Variants in LYRM2 observed in about 807,000 individuals in gnomAD.
The protein encoded by LYRM2 is LYR motif-containing protein 2.
In LYRM2, 8 loss-of-function variants were observed where a neutral mutation model predicts 11.6. That is an observed-to-expected ratio of 0.69 (90% CI 0.40 to 1.24). The LOEUF is 1.24. LYRM2 is among the 50% of genes most tolerant of loss of function. The pLI, the probability that LYRM2 is intolerant of heterozygous loss-of-function variation, is 0.01. For missense variants in LYRM2, 117 were observed against 102.9 expected (o/e 1.14, Z -0.59); for synonymous variants, 30 against 36.4 (o/e 0.83, Z 0.63).
Position 89,637,797 on chromosome 6 carries a change from T to A in LYRM2, c.131A>T (p.Tyr44Phe), listed in dbSNP as rs151021837. ...RQVPNDSDRK[Y>F]LKDWAREEFR... ...TTCTTCTCTTGCCCAATCTTTCAGG[T>A]ATTTGCGATCAGAATCATTTGGAAC... The change falls in exon 2 of 3, where the codon TAC becomes TTC. Residue 44 changes from tyrosine (Y) to phenylalanine (F), a missense_variant. Transcript: ENST00000523377. 11,553 of 1,614,150 alleles carry A rather than the reference T, an allele frequency of 7.2e-3. 53 individuals are homozygous for A. The highest frequency in any genetic ancestry group is 8.1e-3 in the Non-Finnish European group (9,533 of 1,179,980).
Position 89,634,063 on chromosome 6 carries a change from G to A in LYRM2, c.*3210C>T, listed in dbSNP as rs1807887278. On this transcript the variant is annotated 3_prime_UTR_variant, in exon 3 of 3. Coordinates refer to ENST00000523377, the MANE Select transcript of LYRM2 (RefSeq NM_020466.5). ...AAATGTTTAAACTGTTGACCATTTGGAAAATACTGGACAAAGGGGAAGGAC... is the reference window on the plus strand; with the variant it reads ...AAATGTTTAAACTGTTGACCATTTGAAAAATACTGGACAAAGGGGAAGGAC... 1 of 152,208 alleles carries A rather than the reference G, an allele frequency of 6.6e-6. No individual in the cohort carries two copies. The highest frequency in any genetic ancestry group is 1.5e-5 in the Non-Finnish European group (1 of 68,048). 9.4% of individuals were successfully genotyped at this position (152,208 alleles called of 1,614,324 possible). A position where few individuals can be genotyped will look rare whatever the true frequency, so the allele number is the denominator to read the frequency against.
Position 89,633,265 on chromosome 6 carries a change from A to G in LYRM2, c.*4008T>C, listed in dbSNP as rs1176896683. On this transcript the variant is annotated 3_prime_UTR_variant, in exon 3 of 3. Coordinates refer to ENST00000523377, the MANE Select transcript of LYRM2 (RefSeq NM_020466.5). ...ACAGGCTCAGTCAGCATCCTCACCC[A>G]GAGATGGCAACATCTATTAAGACCA... The G allele has an allele frequency of 6.6e-6, 1 of 152,248 alleles. No homozygotes were observed. Among genetic ancestry groups the G allele is most frequent in the Non-Finnish European group, 1.5e-5 (1 of 68,040 alleles). The allele number at this position is 152,248 out of a possible 1,614,324, so 9.4% of individuals were successfully genotyped here.
At position 89,635,329 on chromosome 6, in the gene LYRM2, T is replaced by G. The variant is rs1325880888; in HGVS notation, c.*1944A>C. 7 of 152,222 alleles carry G rather than the reference T, an allele frequency of 4.6e-5. No homozygotes were observed. The highest frequency in any genetic ancestry group is 1.0e-4 in the Non-Finnish European group (7 of 68,022). The allele number at this position is 152,222 out of a possible 1,614,324, so 9.4% of individuals were successfully genotyped here. On this transcript the variant is annotated 3_prime_UTR_variant, in exon 3 of 3. Transcript: ENST00000523377. ...CAGAAACGTCACAAATGCTTCTGTT[T>G]GTCAGATCATTTTGCAACAGGTTAA... is the stretch of plus-strand genomic sequence containing the variant.
Position 89,634,540 on chromosome 6 carries a change from T to TC in LYRM2, c.*2732dup, listed in dbSNP as rs1807925655. 1 of 151,490 alleles carries TC rather than the reference T, an allele frequency of 6.6e-6. No homozygotes were observed. Among genetic ancestry groups the TC allele is most frequent in the African/African-American group, 2.4e-5 (1 of 41,154 alleles). The allele number at this position is 151,490 out of a possible 1,614,324, so 9.4% of individuals were successfully genotyped here. A position where few individuals can be genotyped will look rare whatever the true frequency, so the allele number is the denominator to read the frequency against. The stretch of plus-strand genomic sequence containing the variant: ...GGCAACAAAGTGAGATTCCCCCTCC[T>TC]CTCTCTGAAAAGTAAAAAAAATTAG... On this transcript the variant is annotated 3_prime_UTR_variant, in exon 3 of 3. Coordinates refer to ENST00000523377, the MANE Select transcript of LYRM2 (RefSeq NM_020466.5).
rs561214716 is a variant in LYRM2, at chr6:89,638,696, G to A, written c.21C>T (p.Pro7=). MAASRL[P]PATLTLKQFV... is the part of the protein sequence containing the mutation. Reference sequence around the variant, plus strand: ...CCTGCTTTAACGTTAGCGTCGCTGGGGGTAAGCGGGAAGCAGCCATGTCCA... The same window carrying A: ...CCTGCTTTAACGTTAGCGTCGCTGGAGGTAAGCGGGAAGCAGCCATGTCCA... The change falls in exon 1 of 3, where the codon CCC becomes CCT. Residue 7 remains proline, a synonymous_variant. Coordinates refer to ENST00000523377, the MANE Select transcript of LYRM2 (RefSeq NM_020466.5). The A allele has an allele frequency of 6.2e-7, 1 of 1,613,990 alleles. No individual in the cohort carries two copies. Among genetic ancestry groups the A allele is most frequent in the African/African-American group, 1.3e-5 (1 of 74,942 alleles).
chr6:89,636,949 G>A lies in LYRM2; in HGVS notation c.*324C>T, dbSNP rs1808022282. 5 of 184,720 alleles carry A rather than the reference G, an allele frequency of 2.7e-5. 1 individual carries two copies. The South Asian group carries it at 4.2e-4, about 16-fold the overall frequency. 11.4% of individuals were successfully genotyped at this position (184,720 alleles called of 1,614,324 possible). A position where few individuals can be genotyped will look rare whatever the true frequency, so the allele number is the denominator to read the frequency against. The stretch of plus-strand genomic sequence containing the variant: ...ACCTACCACAGCCTCCTAAAGTACT[G>A]GGATTACAAGCATGAGCCACTACAC... On this transcript the variant is annotated 3_prime_UTR_variant, in exon 3 of 3. Transcript: ENST00000523377.
rs1203808423 is a variant in LYRM2 at position 89,637,884 on chromosome 6, T to G, written c.46-2A>C. 1.9e-6 allele frequency: 3 copies of G among 1,612,400 alleles called. No individual in the cohort carries two copies. In the South Asian group the frequency reaches 3.3e-5, roughly 18 times the overall value. On this transcript the variant is annotated splice_acceptor_variant, in intron 1 of 2. Coordinates refer to ENST00000523377, the MANE Select transcript of LYRM2 (RefSeq NM_020466.5). LOFTEE classifies it high-confidence loss of function. ...AAGAACTTGTTGCCTTCTTACGAAC[T>G]GTAAAAGGGAGGAGTAAATAGCAAT...
rs758309482 is a variant in LYRM2 at position 89,633,706 on chromosome 6, T to C, written c.*3567A>G. 1 of 152,238 alleles carries C rather than the reference T, an allele frequency of 6.6e-6. No individual in the cohort carries two copies. Among genetic ancestry groups the C allele is most frequent in the Non-Finnish European group, 1.5e-5 (1 of 68,036 alleles). The allele number at this position is 152,238 out of a possible 1,614,324, so 9.4% of individuals were successfully genotyped here. On this transcript the variant is annotated 3_prime_UTR_variant, in exon 3 of 3. Transcript: ENST00000523377. ...GTTATGCCTTGTTTGTGGAGTCAAG[T>C]GTTGATATACTTGAGGCATGTTATG...
intron 1 of LYRM2, chr6:89,638,291 G>C (rs1487146108): frequency 1.7e-6 from 2 of 1,143,594 alleles, no homozygotes; most frequent in African/African-American, 1.6e-5. Flanking sequence ...AAGGGCTGCC[G>C]GTCTCCTAGA....
At chr6:89,638,591 G>T (rs955785763) in intron 1 of LYRM2, 81 bp downstream of exon 1, 7 of 1,600,822 alleles carry the variant, frequency 4.4e-6, no homozygotes, top group Non-Finnish European at 6.0e-6. Context: ...CCCGGAACCC[G>T]CCCCGTTGGG....
rs1384481904 is a variant in LYRM2, at chr6:89,638,430, G to A, written c.45+242C>T. On this transcript the variant is annotated intron_variant, in intron 1 of 2. Transcript: ENST00000523377. ...GTGGGCACTGGGCAGCTGAGGCACC[G>A]GGACTCAGGGAAATCAAGCGCCTGA... The A allele has an allele frequency of 4.9e-6, 7 of 1,429,974 alleles. No homozygotes were observed. The African/African-American group carries it at 5.7e-5, about 12-fold the overall frequency. 88.6% of individuals were successfully genotyped at this position (1,429,974 alleles called of 1,614,324 possible).
At chr6:89,638,207 A>T (rs1808069269) in intron 1 of LYRM2, 1 of 886,168 alleles carries the variant, frequency 1.1e-6, no homozygotes, top group African/African-American at 1.7e-5. Context: ...CACGAGGTTC[A>T]TCTGATCTTT....
Position 89,637,734 on chromosome 6 carries a change from G to GT in LYRM2, c.186+7dup. ...TAGGATCTGTCCTCACCATGATTTTGTTCTCACCTCTTCGGTGGCACTTTT... is the reference window on the plus strand; with the variant it reads ...TAGGATCTGTCCTCACCATGATTTTGTTTCTCACCTCTTCGGTGGCACTTTT... On this transcript the variant is annotated splice_region_variant and intron_variant, in intron 2 of 2. Transcript: ENST00000523377. 1 of 1,613,036 alleles carries GT rather than the reference G, an allele frequency of 6.2e-7. No homozygotes were observed. Among genetic ancestry groups the GT allele is most frequent in the South Asian group, 1.1e-5 (1 of 90,980 alleles).
At position 89,638,745 on chromosome 6, in the gene LYRM2, C is replaced by T. The variant is rs768843650; in HGVS notation, c.-29G>A. The T allele has an allele frequency of 1.2e-6, 2 of 1,611,510 alleles. No homozygotes were observed. Among genetic ancestry groups the T allele is most frequent in the Admixed American group, 3.3e-5 (2 of 59,828 alleles). On this transcript the variant is annotated 5_prime_UTR_variant, in exon 1 of 3. Coordinates refer to ENST00000523377, the MANE Select transcript of LYRM2 (RefSeq NM_020466.5). ...CACCAGAGGTCCGCCGGAGCCTCAGCGCGCAGGAGCGGAAGTGGGGTTCGA... is the reference window on the plus strand; with the variant it reads ...CACCAGAGGTCCGCCGGAGCCTCAGTGCGCAGGAGCGGAAGTGGGGTTCGA...
chr6:89,638,497 T>C, intron 1 of LYRM2, 175 bp downstream of exon 1: 1 of 1,522,128 alleles, frequency 6.6e-7, no homozygotes, highest in Non-Finnish European at 8.8e-7. Flanking sequence ...AAGCAGCCAG[T>C]GCCTCCCGTC....
rs3186412 is a variant in LYRM2, at chr6:89,632,330, T to C, written c.*4943A>G. The C allele has an allele frequency of 6.6e-6, 1 of 151,028 alleles. No individual in the cohort carries two copies. Among genetic ancestry groups the C allele is most frequent in the Non-Finnish European group, 1.5e-5 (1 of 67,894 alleles). 9.4% of individuals were successfully genotyped at this position (151,028 alleles called of 1,614,324 possible). A position where few individuals can be genotyped will look rare whatever the true frequency, so the allele number is the denominator to read the frequency against. ...CAGTTTTAGGGTTTTTTCTTTTTTT[T>C]ATAGTGACAATCCATAGATATAGAC... On this transcript the variant is annotated 3_prime_UTR_variant, in exon 3 of 3. Transcript: ENST00000523377.
In LYRM2 at chr6:89,638,747, C is replaced by T. The variant is rs569359616; in HGVS notation, c.-31G>A. ...CCAGAGGTCCGCCGGAGCCTCAGCG[C>T]GCAGGAGCGGAAGTGGGGTTCGACC... On this transcript the variant is annotated 5_prime_UTR_variant, in exon 1 of 3. Transcript: ENST00000523377. 1 of 1,611,058 alleles carries T rather than the reference C, an allele frequency of 6.2e-7. No homozygotes were observed. Among genetic ancestry groups the T allele is most frequent in the South Asian group, 1.1e-5 (1 of 90,764 alleles).
In LYRM2 at chr6:89,637,611, A is replaced by G. The variant is rs571217410; in HGVS notation, c.186+131T>C. ...AAAATAATAATTTAAAATCGGTAAC[A>G]TTACAAGCAATGATCAAGATATACC... On this transcript the variant is annotated intron_variant, in intron 2 of 2. Coordinates refer to ENST00000523377, the MANE Select transcript of LYRM2 (RefSeq NM_020466.5). 261 of 828,586 alleles carry G rather than the reference A, an allele frequency of 3.1e-4. 1 individual carries two copies. The highest frequency in any genetic ancestry group is 3.1e-3 in the Middle Eastern group (8 of 2,602). 51.3% of individuals were successfully genotyped at this position (828,586 alleles called of 1,614,324 possible). A position where few individuals can be genotyped will look rare whatever the true frequency, so the allele number is the denominator to read the frequency against.
rs935233546 is a variant in LYRM2, at chr6:89,636,633, TTC to T, written c.*638_*639del. The T allele has an allele frequency of 1.4e-4, 21 of 152,194 alleles. 1 individual carries two copies. Among genetic ancestry groups the T allele is most frequent in the Admixed American group, 1.4e-3 (21 of 15,286 alleles). The allele number at this position is 152,194 out of a possible 1,614,324, so 9.4% of individuals were successfully genotyped here. On this transcript the variant is annotated 3_prime_UTR_variant, in exon 3 of 3. Coordinates refer to ENST00000523377, the MANE Select transcript of LYRM2 (RefSeq NM_020466.5). Reference sequence around the variant, plus strand: ...CATCTTCACCAAGACTTATTATTATTTCTCTTTTTAATTACAGCCATTCTAGT... The same window carrying T: ...CATCTTCACCAAGACTTATTATTATTTCTTTTTAATTACAGCCATTCTAGT...
Sources: allele counts gnomAD v4.1 joint callset, GRCh38; gene constraint gnomAD v4.1.1; transcripts MANE v1.5; gene names NCBI Gene and HGNC (gene_info 2026-07-23, HGNC 2026-07-21).